GPM6A: variants seen among roughly 807,000 people sequenced by gnomAD.
The protein encoded by GPM6A is glycoprotein M6A.
GPM6A carries 7 observed loss-of-function variants against 32.1 expected under a neutral mutation model. The ratio of observed to expected loss-of-function variants is 0.22; its 90% CI spans 0.12 to 0.41. The LOEUF (loss-of-function observed/expected upper bound fraction) is 0.41, where lower values mean the gene tolerates loss of function less well. Among genes scored for constraint, GPM6A ranks in the 10% least tolerant of loss-of-function variants. The pLI, the probability that GPM6A is intolerant of heterozygous loss-of-function variation, is 1.00. For missense variants in GPM6A, 235 were observed against 347.2 expected (o/e 0.68, Z 2.57); for synonymous variants, 130 against 123.4 (o/e 1.05, Z -0.35).
chr4:175,673,594 C>CT (rs1743200637), intron 3 of GPM6A, 86 bp downstream of exon 3: 17 of 918,056 alleles, frequency 1.9e-5, no homozygotes, highest in Non-Finnish European at 2.7e-5. Context: ...AAAAAAAATA[C>CT]TTTAATTCTT....
intron 1 of GPM6A, among the ~76,000 whole-genome samples, chr4:175,789,783 C>T (rs759259619): frequency 7.9e-5 from 12 of 152,204 alleles, no homozygotes; most frequent in Non-Finnish European, 1.8e-4. Context: ...CATCTTCCTG[C>T]TCCCTAAATT....
chr4:175,962,150 C>G (rs750172539), intron 1 of GPM6A: 2 of 848,224 alleles, frequency 2.4e-6, no homozygotes, highest in Non-Finnish European at 4.1e-6. Context: ...TACAGGACAT[C>G]AAGCATCAAC....
chr4:175,861,674 C>G (rs2020329), intron 1 of GPM6A, among the ~76,000 whole-genome samples: 7 of 143,510 alleles, frequency 4.9e-5, no homozygotes, highest in African/African-American at 1.8e-4. Flanking sequence ...TCACTTGAAT[C>G]TGGAAGGCAG....
In GPM6A at chr4:175,637,273, AT is replaced by A. The variant is rs1560841873; in HGVS notation, c.685-2217del. Among the ~76,000 whole-genome samples, 47 of 51,292 alleles carry A rather than the reference AT, an allele frequency of 9.2e-4. 2 individuals carry two copies. Among genetic ancestry groups the A allele is most frequent in the African/African-American group, 2.8e-3 (41 of 14,522 alleles). 33.6% of individuals were successfully genotyped at this position (51,292 alleles called of 152,430 possible). On this transcript the variant is annotated intron_variant, in intron 6 of 6. Coordinates refer to ENST00000393658, the MANE Select transcript of GPM6A (RefSeq NM_201591.3). ...ATATAATATAAAATATATATTATAT[AT>A]TATATATTATATAAAATATATATTA...
chr4:175,689,267 TATAGCTTTA>T (rs1744160742), intron 2 of GPM6A, among the ~76,000 whole-genome samples: 1 of 152,196 alleles, frequency 6.6e-6, no homozygotes, highest in African/African-American at 2.4e-5. Context: ...TTTTGATAAA[TATAGCTTTA>T]ATCCACAAAT....
chr4:175,847,697 A>C (rs1560962993), intron 1 of GPM6A, among the ~76,000 whole-genome samples: 3 of 152,192 alleles, frequency 2.0e-5, no homozygotes, highest in African/African-American at 7.2e-5. Context: ...TTAATTAAAA[A>C]AAGACAAAAA....
intron 2 of GPM6A, among the ~76,000 whole-genome samples, chr4:175,690,309 T>G (rs1160206827): frequency 2.0e-5 from 3 of 152,242 alleles, no homozygotes; most frequent in Non-Finnish European, 4.4e-5. Flanking sequence ...ATTTTATCTT[T>G]TCAAACTTTA....
At chr4:175,791,842 T>C (rs1734025486) in intron 1 of GPM6A, among the ~76,000 whole-genome samples, 1 of 152,158 alleles carries the variant, frequency 6.6e-6, no homozygotes, top group South Asian at 2.1e-4. Context: ...TTTTATGCCT[T>C]CTGAAAATTG....
chr4:175,820,500 C>CTTTTTTTTTTT (rs66569311), intron 1 of GPM6A, among the ~76,000 whole-genome samples: 65 of 112,102 alleles, frequency 5.8e-4, no homozygotes, highest in Non-Finnish European at 8.3e-4. Flanking sequence ...TCTTTTCTTT[C>CTTTTTTTTTTT]TTTTTTTTTT....
At chr4:175,734,176 A>G (rs1186656864) in intron 1 of GPM6A, among the ~76,000 whole-genome samples, 1 of 150,552 alleles carries the variant, frequency 6.6e-6, no homozygotes, top group African/African-American at 2.4e-5. Flanking sequence ...TAATTTCAAC[A>G]TCTGATTGCC....
At chr4:175,900,666 G>A (rs1737935619) in intron 1 of GPM6A, among the ~76,000 whole-genome samples, 1 of 152,168 alleles carries the variant, frequency 6.6e-6, no homozygotes, top group Admixed American at 6.6e-5. Flanking sequence ...CTTGTACACT[G>A]TTGGTGGGAA....
rs187051351 is a variant in GPM6A, at chr4:175,951,851, T to C, written c.-23+50458A>G. 2.7e-3 allele frequency among the ~76,000 whole-genome samples: 414 copies of C among 152,316 alleles called. 2 individuals carry two copies. Among genetic ancestry groups the C allele is most frequent in the Middle Eastern group, 0.014 (4 of 294 alleles). On this transcript the variant is annotated intron_variant, in intron 1 of 7. Coordinates refer to the GPM6A transcript ENST00000280187. ...GCCCTGCATAATGAGGTGGGCCCCA[T>C]TCAATCACTTGAAGGCCTGAATAGA... is the stretch of plus-strand genomic sequence containing the variant.
intron 1 of GPM6A, chr4:175,787,330 C>G: frequency 6.6e-7 from 1 of 1,523,178 alleles, no homozygotes; most frequent in Admixed American, 2.0e-5. Flanking sequence ...TCACCCTTGA[C>G]CTTACCTTCC....
intron 1 of GPM6A, among the ~76,000 whole-genome samples, chr4:175,894,282 T>C (rs1284117825): frequency 6.6e-6 from 1 of 152,122 alleles, no homozygotes; most frequent in African/African-American, 2.4e-5. Context: ...CCAAATTAAG[T>C]GTTCTCAGCA....
intron 1 of GPM6A, among the ~76,000 whole-genome samples, chr4:175,757,293 G>A (rs1732565078): frequency 6.6e-6 from 1 of 152,024 alleles, no homozygotes; most frequent in African/African-American, 2.4e-5. Context: ...ATGAGCAGGT[G>A]AATGAATCAC....
chr4:175,757,736 A>G (rs1318573090), intron 1 of GPM6A, among the ~76,000 whole-genome samples: 1 of 152,192 alleles, frequency 6.6e-6, no homozygotes, highest in African/African-American at 2.4e-5. Context: ...ATCTGAGAGA[A>G]TCATATGCTC....
chr4:175,977,812 A>G (rs1383746513), intron 1 of GPM6A, among the ~76,000 whole-genome samples: 3 of 152,156 alleles, frequency 2.0e-5, no homozygotes, highest in Admixed American at 1.3e-4. Flanking sequence ...GGTTCTTCTT[A>G]AGAGGTGATA....
At chr4:175,932,979 T>C (rs938084532) in intron 1 of GPM6A, among the ~76,000 whole-genome samples, 1 of 152,130 alleles carries the variant, frequency 6.6e-6, no homozygotes, top group South Asian at 2.1e-4. Flanking sequence ...TCATATTCAT[T>C]GCATGAAGAC....
At chr4:175,647,358 C>T (rs971062800) in intron 4 of GPM6A, among the ~76,000 whole-genome samples, 33 of 152,112 alleles carry the variant, frequency 2.2e-4, no homozygotes, top group African/African-American at 8.0e-4. Context: ...GTAATTGAAT[C>T]ACAGAATATA....
Sources: allele counts gnomAD v4.1 joint callset (sites outside exome capture counted in the v4.1 genomes callset), GRCh38; gene constraint gnomAD v4.1.1; transcripts MANE v1.5; gene names NCBI Gene and HGNC (gene_info 2026-07-23, HGNC 2026-07-21).